Variants in CABIN1 observed in about 807,000 individuals in gnomAD.
CABIN1 encodes the protein calcineurin-binding protein cabin-1.
In CABIN1, 133 loss-of-function variants were observed where a neutral mutation model predicts 227.7. That is an observed-to-expected ratio of 0.58 (90% CI 0.51 to 0.67). The LOEUF (loss-of-function observed/expected upper bound fraction) is 0.67. Ranked by LOEUF, CABIN1 falls within the 30% of genes least tolerant of loss-of-function variation. CABIN1 has a pLI of 0.00. For missense variants in CABIN1, 2,408 were observed against 2,852.5 expected (o/e 0.84, Z 3.55); for synonymous variants, 1,086 against 1,155.1 (o/e 0.94, Z 1.21).
rs561274942 is a variant in CABIN1, at chr22:24,084,838, G to T, written c.3117+53G>T. On this transcript the variant is annotated intron_variant, in intron 21 of 36. Transcript: ENST00000263119. ...GGACAGGGCTGGGTCACACTCTTCCGCTCTGCCACTGCTGTATATGCTCCT... is the reference window on the plus strand; with the variant it reads ...GGACAGGGCTGGGTCACACTCTTCCTCTCTGCCACTGCTGTATATGCTCCT... 1.3e-5 allele frequency: 21 copies of T among 1,582,582 alleles called. No homozygotes were observed. In the South Asian group the frequency reaches 2.0e-4, roughly 15 times the overall value.
intron 29 of CABIN1, among the ~76,000 whole-genome samples, chr22:24,151,497 C>T (rs2045480381): frequency 6.6e-6 from 1 of 152,130 alleles, no homozygotes; most frequent in Non-Finnish European, 1.5e-5. Context: ...TGTGGCTTTT[C>T]TAAGATCCGG....
intron 1 of CABIN1, among the ~76,000 whole-genome samples, chr22:24,026,812 G>A (rs1195477957): frequency 6.6e-6 from 1 of 152,198 alleles, no homozygotes; most frequent in Non-Finnish European, 1.5e-5. Flanking sequence ...TTTAAATTGT[G>A]TAGTGTGATC....
At position 24,063,089 on chromosome 22, in the gene CABIN1, T is replaced by C; in HGVS notation, c.1827T>C (p.Gly609=). Residue 609 remains glycine (G), a synonymous_variant, in exon 14 of 37, where the codon GGT becomes GGC. Coordinates refer to ENST00000263119, the MANE Select transcript of CABIN1 (RefSeq NM_012295.4). Reference sequence around the variant, plus strand: ...CCCAGCGCGACCTGTTCGAGGATGGTTGGCTGGAGTTTGTGGTCCGTGTTT... The same window carrying C: ...CCCAGCGCGACCTGTTCGAGGATGGCTGGCTGGAGTTTGTGGTCCGTGTTT... ...ASSQRDLFED[G]WLEFVVRVYW... The C allele has an allele frequency of 6.2e-7, 1 of 1,614,166 alleles. No homozygotes were observed. Among genetic ancestry groups the C allele is most frequent in the Non-Finnish European group, 8.5e-7 (1 of 1,180,032 alleles).
At chr22:24,147,453 CTTT>C (rs369535145) in intron 29 of CABIN1, among the ~76,000 whole-genome samples, 1 of 138,540 alleles carries the variant, frequency 7.2e-6, no homozygotes, top group African/African-American at 2.7e-5. Context: ...TTCTTTCTTT[CTTT>C]TTTTTTTGAG....
intron 18 of CABIN1, among the ~76,000 whole-genome samples, chr22:24,073,392 C>G (rs2146790246): frequency 6.6e-6 from 1 of 152,106 alleles, no homozygotes; most frequent in Non-Finnish European, 1.5e-5. Flanking sequence ...GAAGATTTTT[C>G]CTCAATAATT....
chr22:24,160,635 C>T (rs1024424718), intron 29 of CABIN1, among the ~76,000 whole-genome samples: 5 of 152,258 alleles, frequency 3.3e-5, no homozygotes, highest in Admixed American at 3.3e-4. Flanking sequence ...AGAGCCCCTG[C>T]CCCTCCAGGA....
chr22:24,091,482 A>T lies in CABIN1; in HGVS notation c.3526-101A>T. 10 of 1,446,546 alleles carry T rather than the reference A, an allele frequency of 6.9e-6. No individual in the cohort carries two copies. In the South Asian group the frequency reaches 1.2e-4, roughly 17 times the overall value. 89.6% of individuals were successfully genotyped at this position (1,446,546 alleles called of 1,614,324 possible). On this transcript the variant is annotated intron_variant, in intron 23 of 36. Transcript: ENST00000263119. ...CTGTGTCTTGGTTGTTAAGAGGAGT[A>T]TAAACTTGCAAATAGGTCGGCAGAG...
intron 29 of CABIN1, among the ~76,000 whole-genome samples, chr22:24,151,780 T>C (rs567122292): frequency 5.1e-4 from 78 of 152,266 alleles, no homozygotes; most frequent in African/African-American, 1.8e-3. Flanking sequence ...CACCCAGATA[T>C]GGTACCCACT....
intron 8 of CABIN1, among the ~76,000 whole-genome samples, chr22:24,051,555 G>A (rs1193460822): frequency 5.9e-5 from 9 of 152,230 alleles, no homozygotes; most frequent in Admixed American, 5.9e-4. Context: ...TTCAATTTCT[G>A]TATTTAAAAT....
At chr22:24,037,697 A>G (rs1403601189) in intron 3 of CABIN1, among the ~76,000 whole-genome samples, 1 of 152,074 alleles carries the variant, frequency 6.6e-6, no homozygotes, top group Non-Finnish European at 1.5e-5. Flanking sequence ...CTCTCCATAT[A>G]CCAACTGGGT....
chr22:24,177,422 G>T lies in CABIN1; in HGVS notation c.6206-82G>T. ...ACACAGCATAAAGGCCCAGGACCTG[G>T]GGGGAGCGGGTGGGGGCGAGATAAA... On this transcript the variant is annotated intron_variant, in intron 35 of 36. Coordinates refer to ENST00000263119, the MANE Select transcript of CABIN1 (RefSeq NM_012295.4). This position sits in a 1 kb window ranked among gnomAD's most constrained non-coding sequence, Gnocchi z 4.4. 1.6e-6 allele frequency: 2 copies of T among 1,230,262 alleles called. No homozygotes were observed. Among genetic ancestry groups the T allele is most frequent in the South Asian group, 1.5e-5 (1 of 68,092 alleles). 76.2% of individuals were successfully genotyped at this position (1,230,262 alleles called of 1,614,324 possible).
At chr22:24,087,919 A>G (rs1055340478) in intron 23 of CABIN1, among the ~76,000 whole-genome samples, 1 of 135,542 alleles carries the variant, frequency 7.4e-6, no homozygotes, top group African/African-American at 3.3e-5. Flanking sequence ...AGTCTAGTGT[A>G]GACAAATTAG....
intron 28 of CABIN1, among the ~76,000 whole-genome samples, chr22:24,127,205 A>G (rs1354443509): frequency 6.6e-6 from 1 of 152,138 alleles, no homozygotes; most frequent in South Asian, 2.1e-4. Context: ...TGAAGGAGCA[A>G]CTTACACAGG....
Position 24,178,160 on chromosome 22 carries a change from C to A in CABIN1, c.6627C>A (p.Ser2209Arg). 1 of 1,613,508 alleles carries A rather than the reference C, an allele frequency of 6.2e-7. No individual in the cohort carries two copies. The highest frequency in any genetic ancestry group is 8.5e-7 in the Non-Finnish European group (1 of 1,179,960). ...ETSSQESSLE[S>R]ETDEDDDYMD... ...CCAGCCAGGAGTCCTCGCTGGAGAG[C>A]GAGACAGACGAGGACGACGACTACA... Residue 2209 changes from serine to arginine, a missense_variant, in exon 37 of 37, where the codon AGC (serine) becomes AGA (arginine). By Grantham distance (110) the Ser-to-Arg change is moderately radical (BLOSUM62 -1). Around this residue, in one of 3 missense-constraint regions of CABIN1, gnomAD observed 714 missense variants for 773.8 expected, o/e 0.92. Coordinates refer to ENST00000263119, the MANE Select transcript of CABIN1 (RefSeq NM_012295.4).
intron 34 of CABIN1, among the ~76,000 whole-genome samples, chr22:24,172,768 G>A (rs1393987920): frequency 6.6e-6 from 1 of 152,186 alleles, no homozygotes; most frequent in African/African-American, 2.4e-5. Context: ...GAGTAGACAA[G>A]GCACCATCCC....
chr22:24,123,593 G>T (rs1959679930), intron 28 of CABIN1, among the ~76,000 whole-genome samples: 1 of 152,216 alleles, frequency 6.6e-6, no homozygotes, highest in Non-Finnish European at 1.5e-5. Context: ...CCTTCCTGCT[G>T]CTCTGGGGCA....
intron 1 of CABIN1, among the ~76,000 whole-genome samples, chr22:24,034,088 A>T (rs530883810): frequency 4.0e-4 from 61 of 152,352 alleles, no homozygotes; most frequent in African/African-American, 1.4e-3. Flanking sequence ...AGGAATGCAC[A>T]ACCGAGATCC....
chr22:24,030,498 C>G (rs925060097), intron 1 of CABIN1, among the ~76,000 whole-genome samples: 2 of 152,146 alleles, frequency 1.3e-5, no homozygotes, highest in African/African-American at 4.8e-5. Flanking sequence ...TGGAGAGGTG[C>G]CAAGTGCTGC....
At chr22:24,032,677 A>G (rs554139092) in intron 1 of CABIN1, among the ~76,000 whole-genome samples, 5 of 152,306 alleles carry the variant, frequency 3.3e-5, no homozygotes, top group African/African-American at 9.6e-5. Context: ...TTGCTTTGAT[A>G]ACAGCCTAGA....
Sources: allele counts gnomAD v4.1 joint callset (sites outside exome capture counted in the v4.1 genomes callset), GRCh38; gene constraint gnomAD v4.1.1; regional missense constraint gnomAD v4.1.1; non-coding constraint Gnocchi (gnomAD v3.1); transcripts MANE v1.5; gene names NCBI Gene and HGNC (gene_info 2026-07-23, HGNC 2026-07-21).